The following OTOGL variants were observed in gnomAD, a reference collection of about 807,000 sequenced individuals.
OTOGL encodes otogelin-like protein.
Under a neutral mutation model 318.5 loss-of-function variants are expected in OTOGL, and 285 were observed. The ratio of observed to expected loss-of-function variants is 0.89; its 90% confidence interval spans 0.81 to 0.99. OTOGL has a LOEUF of 0.99. OTOGL is among the 50% of genes least tolerant of loss of function. The pLI is 0.00. For synonymous variants in OTOGL, 987 were observed against 936.5 expected, an observed-to-expected ratio of 1.05 and a Z score of -0.99; for missense variants, 2,899 against 2,845.6, an observed-to-expected ratio of 1.02 and a Z score of -0.43.
intron 30 of OTOGL, among the ~76,000 whole-genome samples, chr12:80,313,203 C>T (rs1294756441): frequency 6.6e-6 from 1 of 152,054 alleles, no homozygotes; most frequent in Non-Finnish European, 1.5e-5. Flanking sequence ...ATGACAGAAG[C>T]TTCCAAAAAT....
intron 1 of OTOGL, among the ~76,000 whole-genome samples, chr12:80,148,248 G>A (rs140025519): frequency 0.037 from 5,367 of 145,234 alleles, 162 homozygotes; most frequent in South Asian, 0.095. Context: ...GGGCAGGTCC[G>A]GTGGTGACAA....
chr12:80,103,869 C>A (rs1003563685), intron 1 of OTOGL, among the ~76,000 whole-genome samples: 4 of 152,154 alleles, frequency 2.6e-5, no homozygotes, highest in African/African-American at 2.4e-5. Flanking sequence ...ATTCTAGACA[C>A]CTGAGAACTG....
intron 1 of OTOGL, among the ~76,000 whole-genome samples, chr12:80,114,383 G>C (rs1870029807): frequency 6.6e-6 from 1 of 152,112 alleles, no homozygotes; most frequent in African/African-American, 2.4e-5. Context: ...GCTTAGTTTG[G>C]CTGGATATGA....
intron 30 of OTOGL, among the ~76,000 whole-genome samples, chr12:80,311,760 T>A (rs981716517): frequency 6.6e-6 from 1 of 152,232 alleles, no homozygotes; most frequent in African/African-American, 2.4e-5. Context: ...AAACACCTGA[T>A]GGTGTCTGTT....
intron 26 of OTOGL, among the ~76,000 whole-genome samples, chr12:80,293,616 T>C (rs886979105): frequency 6.6e-6 from 1 of 152,122 alleles, no homozygotes; most frequent in Non-Finnish European, 1.5e-5. Context: ...CTCTACTTTT[T>C]CGTCAGTTCA....
chr12:80,135,276 TC>T (rs1871489858), intron 1 of OTOGL, among the ~76,000 whole-genome samples: 9 of 26,046 alleles, frequency 3.5e-4, no homozygotes, highest in East Asian at 1.8e-3. Flanking sequence ...TCCCCTCCCC[TC>T]CCCTTCCCTT....
chr12:80,168,363 A>C (rs1873965097), intron 1 of OTOGL, among the ~76,000 whole-genome samples: 1 of 152,204 alleles, frequency 6.6e-6, no homozygotes, highest in African/African-American at 2.4e-5. Context: ...TTTAAAAAAT[A>C]TAGCCTATAA....
intron 1 of OTOGL, among the ~76,000 whole-genome samples, chr12:80,116,860 A>C (rs1272572157): frequency 6.6e-6 from 1 of 152,226 alleles, no homozygotes; most frequent in African/African-American, 2.4e-5. Flanking sequence ...GAATTTATCA[A>C]TGAACTCTCA....
chr12:80,209,046 C>T (rs1031561093), intron 1 of OTOGL, among the ~76,000 whole-genome samples: 34 of 152,058 alleles, frequency 2.2e-4, no homozygotes, highest in African/African-American at 8.2e-4. Context: ...TTAGATCAAC[C>T]ATTAGGAATA....
rs569384838 is a variant in OTOGL at position 80,103,330 on chromosome 12, T to C, written c.-20+3725T>C. 13 of 1,551,946 alleles carry C rather than the reference T, an allele frequency of 8.4e-6. No homozygotes were observed. The South Asian group carries it at 1.2e-4, about 15-fold the overall frequency. On this transcript the variant is annotated intron_variant, in intron 1 of 58. Coordinates refer to ENST00000547103, the MANE Select transcript of OTOGL (RefSeq NM_001378609.3). ...TCGGAAGTCACAAAGGGATTAAACT[T>C]CATTTTGGCCGCTCCCGCTTCGGTG... is the stretch of plus-strand genomic sequence containing the variant.
intron 1 of OTOGL, among the ~76,000 whole-genome samples, chr12:80,122,092 C>G (rs929041418): frequency 6.6e-6 from 1 of 151,934 alleles, no homozygotes; most frequent in Non-Finnish European, 1.5e-5. Flanking sequence ...AAGAAAAATA[C>G]CACAAAAAAT....
chr12:80,111,786 A>T (rs141176143), intron 1 of OTOGL, among the ~76,000 whole-genome samples: 1 of 152,294 alleles, frequency 6.6e-6, no homozygotes, highest in African/African-American at 2.4e-5. Context: ...CTGTGAAGAT[A>T]GTCAATGGTA....
At chr12:80,166,234 CTT>C (rs1873822593) in intron 1 of OTOGL, among the ~76,000 whole-genome samples, 1 of 150,974 alleles carries the variant, frequency 6.6e-6, no homozygotes, top group Admixed American at 6.6e-5. Flanking sequence ...CCTCTCTTCC[CTT>C]TCTTTCATTC....
chr12:80,214,523 A>G (rs1175191992), intron 4 of OTOGL, among the ~76,000 whole-genome samples: 1 of 152,200 alleles, frequency 6.6e-6, no homozygotes, highest in African/African-American at 2.4e-5. Flanking sequence ...CAGTGTGCAC[A>G]GAAATCCAGA....
chr12:80,184,492 T>C (rs561088876), intron 1 of OTOGL, among the ~76,000 whole-genome samples: 22 of 152,334 alleles, frequency 1.4e-4, no homozygotes, highest in Admixed American at 2.6e-4. Flanking sequence ...ATTAGCCTCA[T>C]TGACAATTTA....
chr12:80,236,030 A>C (rs1879817371), intron 9 of OTOGL, among the ~76,000 whole-genome samples: 1 of 152,146 alleles, frequency 6.6e-6, no homozygotes, highest in Non-Finnish European at 1.5e-5. Context: ...CTTTAGAGAG[A>C]GTGAGTTTGA....
At position 80,296,871 on chromosome 12, in the gene OTOGL, A is replaced by C; in HGVS notation, c.2973A>C (p.Lys991Asn). 6.5e-7 allele frequency: 1 copy of C among 1,529,048 alleles called. No individual in the cohort carries two copies. The highest frequency in any genetic ancestry group is 8.8e-7 in the Non-Finnish European group (1 of 1,139,434). 94.7% of individuals were successfully genotyped at this position (1,529,048 alleles called of 1,614,324 possible). A position where few individuals can be genotyped will look rare whatever the true frequency, so the allele number is the denominator to read the frequency against. ...SDISVIAQNK[K>N]CFDNDIVCSK... ...TATCTGTCATTGCCCAGAACAAGAA[A>C]TGCTTTGACAACGATATTGTTTGTT... is the stretch of plus-strand genomic sequence containing the variant. The change falls in exon 27 of 59, where the codon AAA (lysine) becomes AAC (asparagine). Residue 991 changes from lysine (K) to asparagine (N), a missense_variant. Physicochemically the swap from Lys to Asn is moderately conservative, Grantham distance 94. Around this residue, in one of 3 missense-constraint regions of OTOGL, gnomAD observed 2,607 missense variants for 2,524.9 expected, o/e 1.03. Transcript: ENST00000547103.
intron 1 of OTOGL, among the ~76,000 whole-genome samples, chr12:80,106,293 A>G (rs896082709): frequency 6.6e-6 from 1 of 152,190 alleles, no homozygotes; most frequent in African/African-American, 2.4e-5. Flanking sequence ...TCACACTACC[A>G]GAAACTACCT....
At chr12:80,338,909 A>G (rs948361007) in intron 42 of OTOGL, among the ~76,000 whole-genome samples, 166 bp from the exon 43 acceptor site, 2 of 152,072 alleles carry the variant, frequency 1.3e-5, no homozygotes, top group Non-Finnish European at 2.9e-5. Context: ...AAGGAACAAT[A>G]AAATAGCTTA....
Sources: gnomAD v4.1 joint callset for allele counts (sites outside exome capture counted in the v4.1 genomes callset) on GRCh38, gnomAD v4.1.1 for gene constraint, gnomAD v4.1.1 regional missense constraint, MANE v1.5 for transcripts, NCBI Gene and HGNC (gene_info 2026-07-23, HGNC 2026-07-21) for gene names.